The following RARB variants were observed in gnomAD, a reference collection of about 807,000 sequenced individuals.
RARB encodes the protein HBV-activated protein.
RARB carries 17 observed loss-of-function variants against 51.9 expected under a neutral mutation model. The ratio of observed to expected loss-of-function variants is 0.33; its 90% CI spans 0.22 to 0.49. The LOEUF is 0.49. Among genes scored for constraint, RARB ranks in the 20% least tolerant of loss-of-function variants. The probability of loss-of-function intolerance (pLI) is 0.99; values close to 1 mark genes in which losing one functional copy is unlikely to be tolerated. For missense variants in RARB, 369 were observed against 550.8 expected, an observed-to-expected ratio of 0.67 and a Z score of 3.30; for synonymous variants, 215 against 195.4, an observed-to-expected ratio of 1.10 and a Z score of -0.84.
intron 2 of RARB, among the ~76,000 whole-genome samples, chr3:24,912,975 C>CTGTTTTTTTTTTTTTTTTTTTTTTTTTTT (rs1695022951): frequency 1.3e-5 from 1 of 75,066 alleles, no homozygotes; most frequent in Admixed American, 2.3e-4. Context: ...GGTACTGATT[C>CTGTTTTTTTTTTTTTTTTTTTTTTTTTTT]TTTTTTTTTT....
chr3:24,983,144 C>T (rs1436148377), intron 2 of RARB, among the ~76,000 whole-genome samples: 1 of 152,124 alleles, frequency 6.6e-6, no homozygotes, highest in African/African-American at 2.4e-5. Context: ...CACACATGTG[C>T]TAGTGAGCAT....
intron 1 of RARB, among the ~76,000 whole-genome samples, chr3:25,445,841 C>T (rs577918512): frequency 1.8e-4 from 27 of 152,262 alleles, no homozygotes; most frequent in African/African-American, 6.5e-4. Flanking sequence ...GGAACAGTTA[C>T]AACTGAAATA....
chr3:25,053,201 G>T (rs982551415), intron 2 of RARB, among the ~76,000 whole-genome samples: 1 of 152,128 alleles, frequency 6.6e-6, no homozygotes, highest in African/African-American at 2.4e-5. Context: ...AGGGAGTGTG[G>T]CTTATGACAA....
chr3:25,304,060 A>C (rs910270764), intron 5 of RARB, among the ~76,000 whole-genome samples: 2 of 152,202 alleles, frequency 1.3e-5, no homozygotes, highest in African/African-American at 4.8e-5. Context: ...TAGTATGAGT[A>C]CATGTACACC....
At chr3:25,317,285 G>A (rs890524887) in intron 5 of RARB, among the ~76,000 whole-genome samples, 1 of 151,978 alleles carries the variant, frequency 6.6e-6, no homozygotes, top group Non-Finnish European at 1.5e-5. Flanking sequence ...ATGAAAGGGA[G>A]GGAGAGAGGA....
chr3:25,581,799 A>C (rs1164130973), intron 5 of RARB, among the ~76,000 whole-genome samples: 1 of 152,146 alleles, frequency 6.6e-6, no homozygotes, highest in East Asian at 1.9e-4. Context: ...AGGATATAGC[A>C]GGAAGGCAGC....
rs370708513 is a variant in RARB at position 25,416,262 on chromosome 3, G to A, written c.179-44931G>A. Reference sequence around the variant, plus strand: ...CAATTAGTCAGGCATGGTGGCACATGCCTGTAGTCCCAGCTACTTACGGGG... The same window carrying A: ...CAATTAGTCAGGCATGGTGGCACATACCTGTAGTCCCAGCTACTTACGGGG... On this transcript the variant is annotated intron_variant, in intron 5 of 11. Coordinates refer to the RARB transcript ENST00000383772. 3.3e-5 allele frequency among the ~76,000 whole-genome samples: 5 copies of A among 152,274 alleles called. No homozygotes were observed. The East Asian group carries it at 5.8e-4, about 18-fold the overall frequency.
chr3:25,441,994 A>G (rs1243374924), intron 1 of RARB, among the ~76,000 whole-genome samples: 1 of 152,212 alleles, frequency 6.6e-6, no homozygotes, highest in African/African-American at 2.4e-5. Context: ...TGAAGTTTCC[A>G]ATGATGGAAA....
intron 5 of RARB, among the ~76,000 whole-genome samples, chr3:25,417,087 A>C (rs1421055056): frequency 6.6e-6 from 1 of 152,062 alleles, no homozygotes; most frequent in Non-Finnish European, 1.5e-5. Flanking sequence ...GAACAAGCCT[A>C]AGCCTGGAAC....
At chr3:24,927,435 C>A (rs141066803) in intron 2 of RARB, among the ~76,000 whole-genome samples, 173 of 152,102 alleles carry the variant, frequency 1.1e-3, no homozygotes, top group African/African-American at 4.0e-3. Context: ...GGTTTCTGCA[C>A]GGCAATGGAA....
chr3:24,964,363 T>TC (rs773911820), intron 2 of RARB, among the ~76,000 whole-genome samples: 61 of 152,302 alleles, frequency 4.0e-4, no homozygotes, highest in South Asian at 3.3e-3. Context: ...CTCTTTTTTT[T>TC]CTGTATATAT....
rs145690306 is a variant in RARB at position 25,504,561 on chromosome 3, T to C, written c.448+3238T>C. On this transcript the variant is annotated intron_variant, in intron 3 of 7. Coordinates refer to ENST00000330688, the MANE Select transcript of RARB (RefSeq NM_000965.5). ...TGTGGGTGGGGAGTGTGGAAGAAAATGTTCCTCAGAGGGGAATCAGAAAGA... is the reference window on the plus strand; with the variant it reads ...TGTGGGTGGGGAGTGTGGAAGAAAACGTTCCTCAGAGGGGAATCAGAAAGA... 3.2e-4 allele frequency among the ~76,000 whole-genome samples: 48 copies of C among 151,996 alleles called. 1 individual carries two copies. Among genetic ancestry groups the C allele is most frequent in the Middle Eastern group, 3.4e-3 (1 of 294 alleles).
chr3:25,274,699 A>T (rs1703336940), intron 5 of RARB, among the ~76,000 whole-genome samples: 1 of 152,198 alleles, frequency 6.6e-6, no homozygotes, highest in Non-Finnish European at 1.5e-5. Context: ...AGTGGGAATC[A>T]GCTGGACTTG....
At position 25,473,921 on chromosome 3, in the gene RARB, G is replaced by GAAAAAA. The variant is rs533183147; in HGVS notation, c.306+12587_306+12592dup. Among the ~76,000 whole-genome samples the GAAAAAA allele has an allele frequency of 2.2e-4, 24 of 108,306 alleles. 1 individual carries two copies. The highest frequency in any genetic ancestry group is 5.2e-4 in the Admixed American group (5 of 9,694). 71.1% of individuals were successfully genotyped at this position (108,306 alleles called of 152,430 possible). A position where few individuals can be genotyped will look rare whatever the true frequency, so the allele number is the denominator to read the frequency against. On this transcript the variant is annotated intron_variant, in intron 2 of 7. Transcript: ENST00000330688. ...TGGAGGTATTTTCTATGTCTGGCAGGAAAAAAAAAAAACCTTTATCTTGGC... is the reference window on the plus strand; with the variant it reads ...TGGAGGTATTTTCTATGTCTGGCAGGAAAAAAAAAAAAAAAAAACCTTTATCTTGGC...
chr3:25,305,911 C>T (rs1000932381), intron 5 of RARB, among the ~76,000 whole-genome samples: 29 of 152,250 alleles, frequency 1.9e-4, no homozygotes, highest in East Asian at 5.8e-4. Context: ...TGTTTGCAGC[C>T]TGTCTGGTAC....
At chr3:25,102,494 C>T (rs547300239) in intron 3 of RARB, among the ~76,000 whole-genome samples, 30 of 151,782 alleles carry the variant, frequency 2.0e-4, no homozygotes, top group African/African-American at 6.0e-4. Flanking sequence ...GAGCCAAGAT[C>T]GTGCCATTGC....
At chr3:25,247,601 A>G (rs996993412) in intron 5 of RARB, among the ~76,000 whole-genome samples, 6 of 152,088 alleles carry the variant, frequency 3.9e-5, no homozygotes, top group African/African-American at 1.4e-4. Flanking sequence ...TGAACTTCCC[A>G]AGTGAGGCAA....
chr3:25,040,463 T>A (rs1203944712), intron 2 of RARB, among the ~76,000 whole-genome samples: 1 of 152,206 alleles, frequency 6.6e-6, no homozygotes, highest in African/African-American at 2.4e-5. Flanking sequence ...CCAGGCACAG[T>A]GGGTTACACC....
intron 5 of RARB, among the ~76,000 whole-genome samples, chr3:25,359,417 A>G (rs1705855616): frequency 6.6e-6 from 1 of 151,848 alleles, no homozygotes; most frequent in Non-Finnish European, 1.5e-5. Context: ...TTTTTTAAAA[A>G]AATACCACCT....
Sources: gnomAD v4.1 joint callset for allele counts (sites outside exome capture counted in the v4.1 genomes callset) on GRCh38, gnomAD v4.1.1 for gene constraint, MANE v1.5 for transcripts, NCBI Gene and HGNC (gene_info 2026-07-23, HGNC 2026-07-21) for gene names.